CNGA1: variants seen among roughly 807,000 people sequenced by gnomAD.
The protein encoded by CNGA1 is cyclic nucleotide gated channel subunit alpha 1.
In CNGA1, 53 loss-of-function variants were observed where a neutral mutation model predicts 69.7. The ratio of observed to expected loss-of-function variants is 0.76; its 90% CI spans 0.61 to 0.96. The LOEUF is 0.96. CNGA1 is among the 40% of genes least tolerant of loss of function. CNGA1 has a pLI of 0.00. For missense variants in CNGA1, 739 were observed against 811.2 expected, an observed-to-expected ratio of 0.91 and a Z score of 1.08; for synonymous variants, 249 against 283.5, an observed-to-expected ratio of 0.88 and a Z score of 1.22.
chr4:47,989,303 A>G (rs1560307885), intron 2 of CNGA1, among the ~76,000 whole-genome samples: 1 of 152,188 alleles, frequency 6.6e-6, no homozygotes, highest in Non-Finnish European at 1.5e-5. Flanking sequence ...AGGGAAACTC[A>G]TTAGTTACAG....
intron 6 of CNGA1, among the ~76,000 whole-genome samples, 174 bp from the exon 7 acceptor site, chr4:47,943,586 C>A (rs1424473036): frequency 6.6e-6 from 1 of 151,810 alleles, no homozygotes; most frequent in Non-Finnish European, 1.5e-5. Context: ...GTGGGGCAGA[C>A]AATTATCCAG....
intron 2 of CNGA1, among the ~76,000 whole-genome samples, chr4:47,993,052 G>C (rs1742340821): frequency 6.6e-6 from 1 of 152,038 alleles, no homozygotes; most frequent in Non-Finnish European, 1.5e-5. Context: ...AACTTGATCA[G>C]GGTGGATTAT....
chr4:48,004,028 G>A (rs984685007), intron 2 of CNGA1, among the ~76,000 whole-genome samples: 6 of 152,228 alleles, frequency 3.9e-5, no homozygotes, highest in Non-Finnish European at 8.8e-5. Context: ...CAGTGGTCAT[G>A]CTTCTAGTCC....
intron 3 of CNGA1, among the ~76,000 whole-genome samples, chr4:47,954,883 T>G (rs1739968238): frequency 6.6e-6 from 1 of 152,172 alleles, no homozygotes; most frequent in Non-Finnish European, 1.5e-5. Flanking sequence ...GCAAATTTAT[T>G]TGGATCCAAA....
At chr4:47,991,015 T>A (rs1244019713) in intron 2 of CNGA1, among the ~76,000 whole-genome samples, 2 of 152,202 alleles carry the variant, frequency 1.3e-5, no homozygotes, top group African/African-American at 4.8e-5. Context: ...ATTATATATA[T>A]ATACATGTAT....
At chr4:47,956,217 C>T (rs1740077606) in intron 3 of CNGA1, among the ~76,000 whole-genome samples, 1 of 152,192 alleles carries the variant, frequency 6.6e-6, no homozygotes, top group Non-Finnish European at 1.5e-5. Flanking sequence ...TCTGCTATGG[C>T]TGCCAGCAAG....
chr4:47,978,429 T>C (rs1741529076), intron 3 of CNGA1, among the ~76,000 whole-genome samples: 2 of 152,166 alleles, frequency 1.3e-5, no homozygotes, highest in South Asian at 4.1e-4. Flanking sequence ...TTATTAAATG[T>C]ACTCTATGTA....
intron 3 of CNGA1, among the ~76,000 whole-genome samples, chr4:47,965,851 G>A (rs1366303424): frequency 6.6e-6 from 1 of 152,108 alleles, no homozygotes; most frequent in Admixed American, 6.6e-5. Flanking sequence ...AATAGTAATT[G>A]CTTATTCTTT....
rs752003888 is a variant in CNGA1, at chr4:47,937,454, C to A, written c.1028G>T (p.Arg343Ile). 1 of 1,614,170 alleles carries A rather than the reference C, an allele frequency of 6.2e-7. No homozygotes were observed. Among genetic ancestry groups the A allele is most frequent in the East Asian group, 2.2e-5 (1 of 44,880 alleles). ...INDPEFGRLA[R>I]KYVYSLYWST... ...CCAGTAAAGGCTGTATACGTATTTTCTAGCCAAACGGCCAAATTCAGGATC... is the reference window on the plus strand; with the variant it reads ...CCAGTAAAGGCTGTATACGTATTTTATAGCCAAACGGCCAAATTCAGGATC... The change falls in exon 11 of 11, where the codon AGA (arginine) becomes ATA (isoleucine). Residue 343 changes from arginine to isoleucine, a missense_variant. Coordinates refer to ENST00000514170, the MANE Select transcript of CNGA1 (RefSeq NM_001379270.1).
At chr4:47,994,756 A>G (rs555292103) in intron 2 of CNGA1, among the ~76,000 whole-genome samples, 16 of 151,794 alleles carry the variant, frequency 1.1e-4, no homozygotes, top group African/African-American at 3.1e-4. Context: ...TTTAAATTGT[A>G]TTTTTGTTTT....
Position 47,943,381 on chromosome 4 carries a change from CT to C in CNGA1, c.318del (p.Glu107LysfsTer87), listed in dbSNP as rs1360666242. The C allele has an allele frequency of 2.6e-6, 4 of 1,516,180 alleles. No homozygotes were observed. The highest frequency in any genetic ancestry group is 3.5e-6 in the Non-Finnish European group (4 of 1,130,978). The allele number at this position is 1,516,180 out of a possible 1,614,324, so 93.9% of individuals were successfully genotyped here. On this transcript the variant is annotated frameshift_variant, in exon 7 of 11. Transcript: ENST00000514170. LOFTEE classifies it high-confidence loss of function. Reference protein sequence around the residue: ...QEPEEKKKKKKEKKSKSDDKN... With the variant: ...QEPEEKKKKKXEKKSKSDDKN... ...TTGCCAAAGTCTTACCTCTTCTTTT[CT>C]TTTTTCTTTTTCTTTTTTTCTTCTG...
chr4:48,004,188 A>T (rs907008268), intron 2 of CNGA1, among the ~76,000 whole-genome samples: 4 of 152,228 alleles, frequency 2.6e-5, no homozygotes, highest in African/African-American at 9.6e-5. Flanking sequence ...GCCAGGCAGG[A>T]AAGGGCCCCC....
chr4:47,960,513 C>G (rs941668068), intron 3 of CNGA1, among the ~76,000 whole-genome samples: 6 of 152,080 alleles, frequency 3.9e-5, no homozygotes, highest in Non-Finnish European at 8.8e-5. Flanking sequence ...AAAAAAGACA[C>G]TAAATCTAAA....
At chr4:48,003,552 T>C (rs1290764529) in intron 2 of CNGA1, among the ~76,000 whole-genome samples, 1 of 152,188 alleles carries the variant, frequency 6.6e-6, no homozygotes. Context: ...AGAATAGTTA[T>C]ACCAGATATA....
intron 2 of CNGA1, among the ~76,000 whole-genome samples, chr4:47,998,802 T>G (rs1714518646): frequency 1.3e-5 from 2 of 152,070 alleles, no homozygotes; most frequent in South Asian, 2.1e-4. Flanking sequence ...AATAAAAAAT[T>G]TAAATGCTTA....
chr4:48,005,830 T>C (rs1327494928), intron 2 of CNGA1, among the ~76,000 whole-genome samples: 4 of 152,240 alleles, frequency 2.6e-5, no homozygotes, highest in African/African-American at 7.2e-5. Context: ...GTTTCTCCAA[T>C]TGTGTCCTGT....
rs921529465 is a variant in CNGA1 at position 47,944,016 on chromosome 4, A to G, written c.288-604T>C. Among the ~76,000 whole-genome samples, 10 of 152,346 alleles carry G rather than the reference A, an allele frequency of 6.6e-5. No individual in the cohort carries two copies. The South Asian group carries it at 1.7e-3, about 25-fold the overall frequency. On this transcript the variant is annotated intron_variant, in intron 6 of 10. Coordinates refer to ENST00000514170, the MANE Select transcript of CNGA1 (RefSeq NM_001379270.1). ...TCTATGATTAGCTTTCTCTATCAGC[A>G]GGGGAATAGATTCTGAAGTCAGACA...
intron 3 of CNGA1, among the ~76,000 whole-genome samples, chr4:47,972,512 C>T (rs1039701515): frequency 6.6e-6 from 1 of 152,146 alleles, no homozygotes; most frequent in Non-Finnish European, 1.5e-5. Context: ...CATTTTTTCC[C>T]ATACCCTGAC....
intron 4 of CNGA1, among the ~76,000 whole-genome samples, chr4:47,951,704 T>C (rs1739751013): frequency 6.6e-6 from 1 of 152,238 alleles, no homozygotes; most frequent in African/African-American, 2.4e-5. Flanking sequence ...TTTCTAGGTT[T>C]TCCACATTCC....
Sources: gnomAD v4.1 joint callset for allele counts (sites outside exome capture counted in the v4.1 genomes callset) on GRCh38, gnomAD v4.1.1 for gene constraint, MANE v1.5 for transcripts, NCBI Gene and HGNC (gene_info 2026-07-23, HGNC 2026-07-21) for gene names.